COG7: variants seen among roughly 807,000 people sequenced by gnomAD.
The protein encoded by COG7 is component of oligomeric golgi complex 7.
A neutral mutation model predicts 91.5 loss-of-function variants in COG7; 49 were observed. The observed-to-expected ratio is 0.54, with a 90% CI of 0.43 to 0.68. The LOEUF (loss-of-function observed/expected upper bound fraction) is 0.68. Among genes scored for constraint, COG7 ranks in the 30% least tolerant of loss-of-function variants. The probability of loss-of-function intolerance (pLI) is 0.00; values close to 1 mark genes in which losing one functional copy is unlikely to be tolerated. For missense variants in COG7, 895 were observed against 961.3 expected, an observed-to-expected ratio of 0.93 and a Z score of 0.91; for synonymous variants, 365 against 388.7, an observed-to-expected ratio of 0.94 and a Z score of 0.72.
At position 23,388,957 on chromosome 16, in the gene COG7, GCCAGGCGACGGGGCAGGCCTTTGCTGA is replaced by G; in HGVS notation, c.2249_2275del (p.Val750_Leu758del). 1 of 1,614,138 alleles carries G rather than the reference GCCAGGCGACGGGGCAGGCCTTTGCTGA, an allele frequency of 6.2e-7. No individual in the cohort carries two copies. Among genetic ancestry groups the G allele is most frequent in the Non-Finnish European group, 8.5e-7 (1 of 1,180,016 alleles). ...ACTCCGCATGGTGGCCACGGTGGTG[GCCAGGCGACGGGGCAGGCCTTTGCTGA>G]CCTGTCTATAGTCCTCAGGCCTGGT... On this transcript the variant is annotated inframe_deletion, in exon 17 of 17. Coordinates refer to ENST00000307149, the MANE Select transcript of COG7 (RefSeq NM_153603.4).
At chr16:23,394,190 CTA>C (rs1211799621) in intron 14 of COG7, among the ~76,000 whole-genome samples, 1 of 151,498 alleles carries the variant, frequency 6.6e-6, no homozygotes, top group African/African-American at 2.4e-5. Context: ...GGAGAAAAAA[CTA>C]TATTGTTTTC....
intron 1 of COG7, among the ~76,000 whole-genome samples, chr16:23,452,261 G>A (rs1047376371): frequency 1.3e-5 from 2 of 152,200 alleles, no homozygotes; most frequent in African/African-American, 4.8e-5. Context: ...ACTCTTTTAA[G>A]TTCCAAAAGG....
rs771084254 is a variant in COG7, at chr16:23,410,380, CTTCAAG to C, written c.1410-26_1410-21del. The stretch of plus-strand genomic sequence containing the variant: ...ATTATCCTAAACAAAACAAAAAGCA[CTTCAAG>C]TTCAAGTATCTGGAATGCCAGCCTT... On this transcript the variant is annotated intron_variant, in intron 10 of 16. Coordinates refer to ENST00000307149, the MANE Select transcript of COG7 (RefSeq NM_153603.4). 6.5e-4 allele frequency: 1,051 copies of C among 1,609,164 alleles called. 1 individual carries two copies. The highest frequency in any genetic ancestry group is 8.6e-4 in the Non-Finnish European group (1,017 of 1,176,118).
At chr16:23,408,739 T>G (rs1486114291) in intron 11 of COG7, among the ~76,000 whole-genome samples, 1 of 151,882 alleles carries the variant, frequency 6.6e-6, no homozygotes, top group Non-Finnish European at 1.5e-5. Context: ...GTAGAGTGTG[T>G]GTAAATAATA....
chr16:23,429,740 G>A (rs557516692), intron 6 of COG7, among the ~76,000 whole-genome samples: 4 of 152,066 alleles, frequency 2.6e-5, no homozygotes, highest in African/African-American at 7.2e-5. Context: ...CTCCAGCCTC[G>A]GCAACAACAG....
rs577227043 is a variant in COG7, at chr16:23,410,791, T to C, written c.1410-431A>G. On this transcript the variant is annotated intron_variant, in intron 10 of 16. Transcript: ENST00000307149. ...CGTCATCTTGGCTCACTGCAACCTC[T>C]GCCTCCCAGGTTCAAGTGACTCTCC... Among the ~76,000 whole-genome samples, 3 of 152,306 alleles carry C rather than the reference T, an allele frequency of 2.0e-5. No homozygotes were observed. In the East Asian group the frequency reaches 5.8e-4, roughly 29 times the overall value.
chr16:23,393,930 A>G (rs1963241809), intron 14 of COG7, among the ~76,000 whole-genome samples: 1 of 151,926 alleles, frequency 6.6e-6, no homozygotes, highest in Non-Finnish European at 1.5e-5. Flanking sequence ...AATCCCAGCT[A>G]CTCGGGAGGC....
chr16:23,426,834 A>AAAAAAAAAAAG (rs1555495229), intron 6 of COG7, among the ~76,000 whole-genome samples: 3 of 146,058 alleles, frequency 2.1e-5, no homozygotes, highest in African/African-American at 7.7e-5. Context: ...AAAAAAAAAA[A>AAAAAAAAAAAG]AAAGAAAGAA....
At position 23,416,939 on chromosome 16, in the gene COG7, C is replaced by A. The variant is rs150124186; in HGVS notation, c.1292+28G>T. On this transcript the variant is annotated intron_variant, in intron 9 of 16. Coordinates refer to ENST00000307149, the MANE Select transcript of COG7 (RefSeq NM_153603.4). ...GGACAGACACTGCTCCAATGTGGCC[C>A]GTCTGGTCCCCAGTTCCCCAGCCTT... 0.011 allele frequency: 17,347 copies of A among 1,613,968 alleles called. 107 individuals are homozygous for A. Among genetic ancestry groups the A allele is most frequent in the Non-Finnish European group, 0.012 (14,106 of 1,179,884 alleles).
At chr16:23,436,672 G>A (rs1471747069) in intron 4 of COG7, among the ~76,000 whole-genome samples, 3 of 150,700 alleles carry the variant, frequency 2.0e-5, no homozygotes, top group Non-Finnish European at 4.4e-5. Context: ...GTTGCTGTGA[G>A]CCGAGATCAC....
chr16:23,429,146 C>A (rs942710331), intron 6 of COG7, among the ~76,000 whole-genome samples: 2 of 152,096 alleles, frequency 1.3e-5, no homozygotes, highest in Admixed American at 6.6e-5. Flanking sequence ...TGTGCCACCA[C>A]GCCCAACTAA....
intron 6 of COG7, among the ~76,000 whole-genome samples, chr16:23,425,239 G>C (rs1471994516): frequency 6.6e-6 from 1 of 152,182 alleles, no homozygotes; most frequent in Non-Finnish European, 1.5e-5. Flanking sequence ...GAACCCGGGA[G>C]GTGCAGGTTG....
chr16:23,406,157 G>C lies in COG7; in HGVS notation c.1581C>G (p.Asn527Lys). The C allele has an allele frequency of 6.2e-7, 1 of 1,613,752 alleles. No individual in the cohort carries two copies. The highest frequency in any genetic ancestry group is 2.2e-5 in the East Asian group (1 of 44,892). ...ILTDKKNSAKNPWQEYNYLQK... is the reference protein window; with the variant it reads ...ILTDKKNSAKKPWQEYNYLQK... ...GGAGGTAATTATATTCTTGCCATGG[G>C]TTCTTGGCAGAGTTCTTCTTGTCTG... The change falls in exon 12 of 17, where the codon AAC becomes AAG. Residue 527 changes from asparagine (N) to lysine (K), a missense_variant. Physicochemically the swap from Asn to Lys is moderately conservative, Grantham distance 94. Transcript: ENST00000307149.
intron 13 of COG7, among the ~76,000 whole-genome samples, chr16:23,401,064 T>TAA (rs1229311203): frequency 1.3e-5 from 2 of 152,180 alleles, no homozygotes; most frequent in Non-Finnish European, 2.9e-5. Context: ...AAAATTTATT[T>TAA]AAAGTGTCCT....
chr16:23,448,078 T>C (rs1718746731), intron 1 of COG7, among the ~76,000 whole-genome samples: 1 of 152,102 alleles, frequency 6.6e-6, no homozygotes, highest in African/African-American at 2.4e-5. Context: ...TCCTCCAATT[T>C]GGGGTCCTCA....
intron 14 of COG7, among the ~76,000 whole-genome samples, chr16:23,395,360 T>C (rs1963269509): frequency 6.6e-6 from 1 of 152,234 alleles, no homozygotes; most frequent in African/African-American, 2.4e-5. Context: ...AAGCCCTTCC[T>C]GAACACCTAC....
chr16:23,406,768 T>C (rs1963470350), intron 11 of COG7, among the ~76,000 whole-genome samples: 1 of 152,224 alleles, frequency 6.6e-6, no homozygotes, highest in Non-Finnish European at 1.5e-5. Context: ...CGAGCTTGCA[T>C]GGTATTTGTG....
At chr16:23,407,289 T>C (rs770657367) in intron 11 of COG7, among the ~76,000 whole-genome samples, 9 of 152,204 alleles carry the variant, frequency 5.9e-5, no homozygotes, top group African/African-American at 1.7e-4. Context: ...GTAACTTTGG[T>C]TGGGTCTCTT....
chr16:23,452,753 C>G (rs1443224535), intron 1 of COG7, 73 bp downstream of exon 1: 1 of 1,541,690 alleles, frequency 6.5e-7, no homozygotes, highest in Non-Finnish European at 8.7e-7. Context: ...CTGAGTGCCT[C>G]ACGCAAGTTC....
Sources: gnomAD v4.1 joint callset for allele counts (sites outside exome capture counted in the v4.1 genomes callset) on GRCh38, gnomAD v4.1.1 for gene constraint, MANE v1.5 for transcripts, NCBI Gene and HGNC (gene_info 2026-07-23, HGNC 2026-07-21) for gene names.